ABCC4: variants seen among roughly 807,000 people sequenced by gnomAD.
ABCC4 encodes ATP binding cassette subfamily C member 4 (PEL blood group).
Under a neutral mutation model 168.5 loss-of-function variants are expected in ABCC4, and 102 were observed. That is an observed-to-expected ratio of 0.61 (90% confidence interval 0.52 to 0.71). The LOEUF (loss-of-function observed/expected upper bound fraction) is 0.71. ABCC4 is among the 30% of genes least tolerant of loss of function. The probability of loss-of-function intolerance (pLI) is 0.00; values close to 1 mark genes in which losing one functional copy is unlikely to be tolerated. For synonymous variants in ABCC4, 617 were observed against 590.7 expected, an observed-to-expected ratio of 1.04 and a Z score of -0.65; for missense variants, 1,402 against 1,605.8, an observed-to-expected ratio of 0.87 and a Z score of 2.17.
chr13:95,268,471 G>C (rs1323082917), intron 1 of ABCC4, among the ~76,000 whole-genome samples: 2 of 152,152 alleles, frequency 1.3e-5, no homozygotes, highest in African/African-American at 4.8e-5. Flanking sequence ...TAGTAAAAGA[G>C]GAAGGCCTCT....
chr13:95,074,175 G>T lies in ABCC4; in HGVS notation c.2917+39C>A, dbSNP rs778256630. 4.8e-6 allele frequency: 7 copies of T among 1,466,352 alleles called. No homozygotes were observed. The Admixed American group carries it at 1.1e-4, about 23-fold the overall frequency. 90.8% of individuals were successfully genotyped at this position (1,466,352 alleles called of 1,614,324 possible). A position where few individuals can be genotyped will look rare whatever the true frequency, so the allele number is the denominator to read the frequency against. On this transcript the variant is annotated intron_variant, in intron 23 of 30. Coordinates refer to ENST00000645237, the MANE Select transcript of ABCC4 (RefSeq NM_005845.5). ...ATAAATGTAAACACAGCTATAAATT[G>T]TAATCATACCATACATAGTTATTCA...
intron 9 of ABCC4, among the ~76,000 whole-genome samples, chr13:95,190,882 C>T (rs2139633083): frequency 6.6e-6 from 1 of 152,300 alleles, no homozygotes; most frequent in African/African-American, 2.4e-5. Flanking sequence ...TCGGAAGTGG[C>T]TATTCTTCTG....
intron 1 of ABCC4, among the ~76,000 whole-genome samples, chr13:95,264,420 T>C (rs143792218): frequency 6.6e-6 from 1 of 152,302 alleles, no homozygotes; most frequent in Admixed American, 6.5e-5. Context: ...CATAATCAAC[T>C]TTAGAACAGG....
intron 29 of ABCC4, 155 bp downstream of exon 29, chr13:95,043,527 G>T: frequency 1.8e-6 from 1 of 554,142 alleles, no homozygotes; most frequent in Non-Finnish European, 3.2e-6. Flanking sequence ...AGCACTGAGG[G>T]TGTAGTTAAG....
At chr13:95,189,285 C>T (rs1251004982) in intron 9 of ABCC4, among the ~76,000 whole-genome samples, 2 of 151,286 alleles carry the variant, frequency 1.3e-5, no homozygotes, top group African/African-American at 2.4e-5. Flanking sequence ...AGGCGCCTGC[C>T]ACTGCGCCCA....
chr13:95,119,852 C>T (rs1313170068), intron 19 of ABCC4, among the ~76,000 whole-genome samples: 1 of 152,192 alleles, frequency 6.6e-6, no homozygotes, highest in African/African-American at 2.4e-5. Flanking sequence ...ATTTTAGTAA[C>T]TTTACTGAGT....
chr13:95,283,494 C>A (rs1222167358), intron 1 of ABCC4, among the ~76,000 whole-genome samples: 2 of 151,416 alleles, frequency 1.3e-5, no homozygotes, highest in Non-Finnish European at 2.9e-5. Flanking sequence ...CTCAGCCTCC[C>A]AAGCAACTAG....
At chr13:95,093,805 T>C (rs1339076118) in intron 20 of ABCC4, among the ~76,000 whole-genome samples, 4 of 152,120 alleles carry the variant, frequency 2.6e-5, no homozygotes, top group Non-Finnish European at 4.4e-5. Flanking sequence ...CTAGAACTGA[T>C]AAAATAATTG....
At chr13:95,236,090 G>A (rs9590207) in intron 3 of ABCC4, among the ~76,000 whole-genome samples, 3,010 of 152,132 alleles carry the variant, frequency 0.02, 102 homozygotes, top group African/African-American at 0.069. Flanking sequence ...CTTGAGCCAC[G>A]GTTTGAGGTA....
rs1282286671 is a variant in ABCC4 at position 95,218,970 on chromosome 13, AAAG to A, written c.532-8192_532-8190del. Among the ~76,000 whole-genome samples, 2 of 39,732 alleles carry A rather than the reference AAAG, an allele frequency of 5.0e-5. 1 individual carries two copies. Among genetic ancestry groups the A allele is most frequent in the Non-Finnish European group, 1.2e-4 (2 of 16,526 alleles). The allele number at this position is 39,732 out of a possible 152,430, so 26.1% of individuals were successfully genotyped here. On this transcript the variant is annotated intron_variant, in intron 4 of 30. Coordinates refer to ENST00000645237, the MANE Select transcript of ABCC4 (RefSeq NM_005845.5). ...GAAAGAAAGAAAGAAAGAAAGAAAG[AAAG>A]AAAGAAAGAAAGAGTGAGAAAGAAA...
chr13:95,188,434 A>G lies in ABCC4; in HGVS notation c.1353+19T>C, dbSNP rs762074082. ...ATAAGTGGGGTTGCAACAAGCTGCC[A>G]AAAGCCATTCTAACTCACCTTCCCT... On this transcript the variant is annotated intron_variant, in intron 10 of 30. Coordinates refer to ENST00000645237, the MANE Select transcript of ABCC4 (RefSeq NM_005845.5). The G allele has an allele frequency of 6.2e-7, 1 of 1,613,276 alleles. No homozygotes were observed. The highest frequency in any genetic ancestry group is 8.5e-7 in the Non-Finnish European group (1 of 1,179,196).
chr13:95,064,260 GTATATATATA>G (rs753635232), intron 25 of ABCC4, among the ~76,000 whole-genome samples: 579 of 21,456 alleles, frequency 0.027, 11 homozygotes, highest in Non-Finnish European at 0.034. Flanking sequence ...GTGTGTGTGT[GTATATATATA>G]TATATATATA....
intron 30 of ABCC4, among the ~76,000 whole-genome samples, chr13:95,031,373 G>A (rs917965606): frequency 3.3e-5 from 5 of 152,170 alleles, no homozygotes; most frequent in African/African-American, 9.7e-5. Context: ...AAGGAGCAGC[G>A]TTTTCAGGCT....
intron 4 of ABCC4, among the ~76,000 whole-genome samples, chr13:95,227,542 G>A (rs2039499571): frequency 6.6e-6 from 1 of 152,114 alleles, no homozygotes; most frequent in Admixed American, 6.6e-5. Context: ...CATGTGTCCA[G>A]GGAGATAACT....
intron 3 of ABCC4, among the ~76,000 whole-genome samples, chr13:95,238,287 T>TG (rs1253807956): frequency 6.6e-6 from 1 of 151,256 alleles, no homozygotes; most frequent in African/African-American, 2.4e-5. Context: ...AAGGTGAATC[T>TG]GGGGAAATAA....
intron 20 of ABCC4, among the ~76,000 whole-genome samples, chr13:95,094,614 G>A (rs575669502): frequency 2.6e-5 from 4 of 152,132 alleles, no homozygotes; most frequent in African/African-American, 4.8e-5. Flanking sequence ...GTTTAGGCAA[G>A]GATTTCATGA....
At chr13:95,156,277 C>T (rs2139524288) in intron 19 of ABCC4, among the ~76,000 whole-genome samples, 1 of 152,284 alleles carries the variant, frequency 6.6e-6, no homozygotes, top group East Asian at 1.9e-4. Flanking sequence ...CATATTAACA[C>T]ATATCAAGAT....
At chr13:95,270,433 G>C (rs148571209) in intron 1 of ABCC4, among the ~76,000 whole-genome samples, 1 of 151,940 alleles carries the variant, frequency 6.6e-6, no homozygotes, top group East Asian at 1.9e-4. Flanking sequence ...CCACAGCTTA[G>C]CTCACCTAAT....
At chr13:95,029,189 TATATATATATATATATATATATATAGAG>T (rs1272226970) in intron 30 of ABCC4, among the ~76,000 whole-genome samples, 3 of 66,470 alleles carry the variant, frequency 4.5e-5, no homozygotes, top group African/African-American at 2.1e-4. Context: ...TATATATATA[TATATATATATATATATATATATATAGAG>T]AGAGAGAGAG....
Sources: allele counts gnomAD v4.1 joint callset (sites outside exome capture counted in the v4.1 genomes callset), GRCh38; gene constraint gnomAD v4.1.1; transcripts MANE v1.5; gene names NCBI Gene and HGNC (gene_info 2026-07-23, HGNC 2026-07-21).